Variants in PBX3 observed in about 807,000 individuals in gnomAD.
PBX3 encodes pre-B-cell leukemia transcription factor 3.
Under a neutral mutation model 48.5 loss-of-function variants are expected in PBX3, and 14 were observed. The ratio of observed to expected loss-of-function variants is 0.29; its 90% CI spans 0.19 to 0.45. PBX3 has a LOEUF of 0.45. Among genes scored for constraint, PBX3 ranks in the 20% least tolerant of loss-of-function variants. PBX3 has a pLI of 1.00. For synonymous variants in PBX3, 210 were observed against 200.3 expected (o/e 1.05, Z -0.41); for missense variants, 386 against 546.7 (o/e 0.71, Z 2.93).
chr9:125,822,808 A>G (rs184617879), intron 2 of PBX3, among the ~76,000 whole-genome samples: 1 of 152,184 alleles, frequency 6.6e-6, no homozygotes, highest in Admixed American at 6.5e-5. Flanking sequence ...ATATTGAGTT[A>G]TTATTTAAAA....
At chr9:125,911,675 G>A (rs557415709) in intron 2 of PBX3, among the ~76,000 whole-genome samples, 3 of 152,106 alleles carry the variant, frequency 2.0e-5, no homozygotes, top group African/African-American at 4.8e-5. Flanking sequence ...CAAAAAACAA[G>A]TCCATCAGAA....
At chr9:125,749,595 T>C (rs1343229634) in intron 2 of PBX3, 1 of 151,004 alleles carries the variant, frequency 6.6e-6, no homozygotes, top group Non-Finnish European at 1.5e-5. Context: ...GTTGGATGTA[T>C]GGTATTTTAA....
chr9:125,963,846 A>G (rs1244329646), intron 8 of PBX3, among the ~76,000 whole-genome samples: 1 of 152,154 alleles, frequency 6.6e-6, no homozygotes, highest in Non-Finnish European at 1.5e-5. Context: ...GCTTGCTACG[A>G]GAGTAAATAT....
intron 8 of PBX3, among the ~76,000 whole-genome samples, chr9:125,965,523 G>T (rs1009682792): frequency 6.6e-6 from 1 of 152,216 alleles, no homozygotes; most frequent in Non-Finnish European, 1.5e-5. Context: ...CCCTTCTGAA[G>T]AGATTTCTTT....
chr9:125,853,891 A>G (rs1208870163), intron 2 of PBX3, among the ~76,000 whole-genome samples: 1 of 152,182 alleles, frequency 6.6e-6, no homozygotes, highest in East Asian at 1.9e-4. Context: ...TTAGGGAGTA[A>G]ATACTTTAGC....
At chr9:125,808,183 G>A (rs2132117173) in intron 2 of PBX3, among the ~76,000 whole-genome samples, 1 of 152,264 alleles carries the variant, frequency 6.6e-6, no homozygotes, top group African/African-American at 2.4e-5. Context: ...AGTGGTCTAT[G>A]TGGGGAAACA....
intron 2 of PBX3, among the ~76,000 whole-genome samples, chr9:125,780,499 C>A (rs1269669245): frequency 7.4e-6 from 1 of 134,824 alleles, no homozygotes; most frequent in African/African-American, 2.8e-5. Context: ...GACGGGGCGT[C>A]TGGCCGGGTG....
intron 2 of PBX3, among the ~76,000 whole-genome samples, chr9:125,912,288 G>C (rs1031211805): frequency 6.6e-6 from 1 of 152,090 alleles, no homozygotes; most frequent in Non-Finnish European, 1.5e-5. Context: ...AAACAGCCCC[G>C]TAATCATACC....
At chr9:125,830,018 C>G (rs1336588394) in intron 2 of PBX3, among the ~76,000 whole-genome samples, 5 of 152,152 alleles carry the variant, frequency 3.3e-5, no homozygotes, top group African/African-American at 1.2e-4. Context: ...AGTTGGGAGG[C>G]AGTGTCTCGC....
intron 2 of PBX3, among the ~76,000 whole-genome samples, chr9:125,801,518 A>G (rs921926530): frequency 1.3e-5 from 2 of 152,206 alleles, no homozygotes; most frequent in African/African-American, 4.8e-5. Flanking sequence ...AAATTTTTCC[A>G]TTATTAACCA....
At chr9:125,938,468 A>AT (rs976078930) in intron 5 of PBX3, among the ~76,000 whole-genome samples, 2 of 152,198 alleles carry the variant, frequency 1.3e-5, no homozygotes, top group African/African-American at 4.8e-5. Context: ...GTTACAAGAG[A>AT]TTTAAAAAAA....
chr9:125,930,445 T>C (rs1215163640), intron 4 of PBX3, among the ~76,000 whole-genome samples: 1 of 152,150 alleles, frequency 6.6e-6, no homozygotes, highest in East Asian at 1.9e-4. Flanking sequence ...ACCTACTGAG[T>C]GACAGAACAG....
intron 3 of PBX3, among the ~76,000 whole-genome samples, chr9:125,922,578 A>G (rs536707184): frequency 3.2e-4 from 49 of 152,190 alleles, no homozygotes; most frequent in Non-Finnish European, 6.6e-4. Flanking sequence ...ATTTCTCCAA[A>G]TGTCTATTTT....
intron 2 of PBX3, among the ~76,000 whole-genome samples, chr9:125,845,290 A>G (rs1466162889): frequency 6.6e-6 from 1 of 152,074 alleles, no homozygotes; most frequent in Non-Finnish European, 1.5e-5. Flanking sequence ...CTGTGCAGCA[A>G]TTTAGCTTGG....
At chr9:125,926,717 G>A (rs1467124747) in intron 3 of PBX3, among the ~76,000 whole-genome samples, 1 of 152,208 alleles carries the variant, frequency 6.6e-6, no homozygotes, top group Non-Finnish European at 1.5e-5. Flanking sequence ...CTACTTGGGA[G>A]GCTGAGGCAG....
At chr9:125,930,712 A>T (rs1841694544) in intron 4 of PBX3, among the ~76,000 whole-genome samples, 1 of 152,150 alleles carries the variant, frequency 6.6e-6, no homozygotes, top group Admixed American at 6.5e-5. Context: ...CTTTATTTTC[A>T]TCTCAGTTCC....
chr9:125,842,359 C>G (rs1030864751), intron 2 of PBX3, among the ~76,000 whole-genome samples: 1 of 152,162 alleles, frequency 6.6e-6, no homozygotes. Flanking sequence ...AAAACACATT[C>G]ATGTTGACAT....
intron 2 of PBX3, among the ~76,000 whole-genome samples, chr9:125,764,272 T>A (rs1836747229): frequency 6.6e-6 from 1 of 152,240 alleles, no homozygotes; most frequent in Non-Finnish European, 1.5e-5. Context: ...AAAGATTCTT[T>A]ATCCTACAAG....
At chr9:125,797,120 G>T (rs1320345299) in intron 2 of PBX3, among the ~76,000 whole-genome samples, 2 of 151,842 alleles carry the variant, frequency 1.3e-5, no homozygotes, top group Admixed American at 1.3e-4. Flanking sequence ...TGACTAAGAA[G>T]AATGTTATGA....
Sources: gnomAD v4.1 joint callset for allele counts (sites outside exome capture counted in the v4.1 genomes callset) on GRCh38, gnomAD v4.1.1 for gene constraint, MANE v1.5 for transcripts, NCBI Gene and HGNC (gene_info 2026-07-23, HGNC 2026-07-21) for gene names.